NLGN1: variants seen among roughly 807,000 people sequenced by gnomAD.
NLGN1 encodes neuroligin 1.
In NLGN1, 12 loss-of-function variants were observed where a neutral mutation model predicts 65.5. That is an observed-to-expected ratio of 0.18 (90% CI 0.12 to 0.30). NLGN1 has a LOEUF of 0.30. NLGN1 is among the 10% of genes least tolerant of loss of function. The probability of loss-of-function intolerance (pLI) is 1.00; values close to 1 mark genes in which losing one functional copy is unlikely to be tolerated. For missense variants in NLGN1, 750 were observed against 1,007.1 expected (o/e 0.74, Z 3.46); for synonymous variants, 350 against 359.5 (o/e 0.97, Z 0.30).
At chr3:173,728,096 A>C (rs2150039156) in intron 3 of NLGN1, among the ~76,000 whole-genome samples, 1 of 152,240 alleles carries the variant, frequency 6.6e-6, no homozygotes. Flanking sequence ...GGGAAAGTCT[A>C]GAGGCAAGGG....
At chr3:173,431,066 A>G (rs1458471017) in intron 1 of NLGN1, among the ~76,000 whole-genome samples, 3 of 152,138 alleles carry the variant, frequency 2.0e-5, no homozygotes, top group Non-Finnish European at 4.4e-5. Context: ...TACTCATTCT[A>G]TTTTCATTAA....
At chr3:173,573,985 C>A (rs1326710742) in intron 2 of NLGN1, among the ~76,000 whole-genome samples, 2 of 149,444 alleles carry the variant, frequency 1.3e-5, no homozygotes, top group African/African-American at 2.5e-5. Context: ...ATGGCGTGAA[C>A]CCAGGAGGCG....
chr3:173,888,771 G>A (rs2150964439), intron 4 of NLGN1, among the ~76,000 whole-genome samples: 1 of 151,902 alleles, frequency 6.6e-6, no homozygotes, highest in South Asian at 2.1e-4. Context: ...TTTGAGTGTT[G>A]AAGAAGACAT....
At chr3:173,878,651 T>C (rs1732625592) in intron 4 of NLGN1, among the ~76,000 whole-genome samples, 1 of 143,982 alleles carries the variant, frequency 6.9e-6, no homozygotes, top group African/African-American at 2.7e-5. Flanking sequence ...TATATATGTG[T>C]ATATATATAT....
chr3:174,267,450 C>T (rs1349387999), intron 4 of NLGN1, among the ~76,000 whole-genome samples: 1 of 152,168 alleles, frequency 6.6e-6, no homozygotes, highest in African/African-American at 2.4e-5. Flanking sequence ...TACTAACATC[C>T]TGGTTATCCT....
At chr3:173,599,949 T>C (rs1750155182) in intron 2 of NLGN1, among the ~76,000 whole-genome samples, 1 of 152,018 alleles carries the variant, frequency 6.6e-6, no homozygotes, top group African/African-American at 2.4e-5. Flanking sequence ...AGATTGGAGA[T>C]AGTAGAGGCC....
At chr3:174,123,721 A>G (rs1053266229) in intron 4 of NLGN1, among the ~76,000 whole-genome samples, 3 of 152,062 alleles carry the variant, frequency 2.0e-5, no homozygotes, top group African/African-American at 7.2e-5. Context: ...TGCCATATTA[A>G]TCTTCCTGTG....
At chr3:173,937,128 G>A (rs9883997) in intron 4 of NLGN1, among the ~76,000 whole-genome samples, 6,121 of 152,060 alleles carry the variant, frequency 0.04, 205 homozygotes, top group African/African-American at 0.094. Flanking sequence ...AGCATTCAGT[G>A]AGCAACCAGA....
At chr3:173,873,566 T>G in intron 4 of NLGN1, among the ~76,000 whole-genome samples, 1 of 152,336 alleles carries the variant, frequency 6.6e-6, no homozygotes, top group Non-Finnish European at 1.5e-5. Context: ...AAGAAATTAT[T>G]TAAAAATTTT....
Position 173,454,114 on chromosome 3 carries a change from T to TG in NLGN1, c.-321+19037dup, listed in dbSNP as rs746291926. On this transcript the variant is annotated intron_variant, in intron 2 of 6. Coordinates refer to ENST00000457714, the Ensembl canonical transcript of NLGN1. ...CTTGAGTGACTAGGTGCATTGTCAATGAGCAGTAATATTTTGAGAGACATT... is the reference window on the plus strand; with the variant it reads ...CTTGAGTGACTAGGTGCATTGTCAATGGAGCAGTAATATTTTGAGAGACATT... 2.6e-5 allele frequency among the ~76,000 whole-genome samples: 4 copies of TG among 152,238 alleles called. No individual in the cohort carries two copies. The South Asian group carries it at 6.2e-4, about 24-fold the overall frequency.
At chr3:173,638,951 A>G (rs2149578317) in intron 3 of NLGN1, among the ~76,000 whole-genome samples, 1 of 152,300 alleles carries the variant, frequency 6.6e-6, no homozygotes, top group East Asian at 1.9e-4. Flanking sequence ...AAAACAGAAA[A>G]AAAAGAGTTG....
rs1331365993 is a variant in NLGN1 at position 174,191,197 on chromosome 3, G to C, written c.647-84118G>C. On this transcript the variant is annotated intron_variant, in intron 4 of 6. Transcript: ENST00000457714. ...AAAATCCACTTTCAAGATTCCACAAGTTTATTGCAAGATATTCATATGTAA... is the reference window on the plus strand; with the variant it reads ...AAAATCCACTTTCAAGATTCCACAACTTTATTGCAAGATATTCATATGTAA... Among the ~76,000 whole-genome samples the C allele has an allele frequency of 5.9e-5, 9 of 152,130 alleles. No individual in the cohort carries two copies. The East Asian group carries it at 9.7e-4, about 16-fold the overall frequency.
At chr3:173,425,958 G>A (rs2148716303) in intron 1 of NLGN1, among the ~76,000 whole-genome samples, 1 of 152,052 alleles carries the variant, frequency 6.6e-6, no homozygotes, top group African/African-American at 2.4e-5. Flanking sequence ...TTTTCTCCAG[G>A]AACATGATAT....
intron 2 of NLGN1, among the ~76,000 whole-genome samples, chr3:173,456,015 A>G (rs1722465426): frequency 6.6e-6 from 1 of 152,132 alleles, no homozygotes; most frequent in African/African-American, 2.4e-5. Context: ...ATTTAGGCCC[A>G]TAAGTGATTG....
chr3:173,468,308 T>C (rs1369120000), intron 2 of NLGN1, among the ~76,000 whole-genome samples: 2 of 152,120 alleles, frequency 1.3e-5, no homozygotes, highest in African/African-American at 4.8e-5. Flanking sequence ...TGAATCTCCC[T>C]CTCCTTTCAC....
chr3:174,024,626 A>T (rs1477451183), intron 4 of NLGN1, among the ~76,000 whole-genome samples: 2 of 152,198 alleles, frequency 1.3e-5, no homozygotes, highest in East Asian at 3.8e-4. Flanking sequence ...TAAAATAAAT[A>T]AAAAATAGTC....
chr3:174,067,713 T>C (rs1030797016), intron 4 of NLGN1, among the ~76,000 whole-genome samples: 5 of 152,184 alleles, frequency 3.3e-5, no homozygotes, highest in African/African-American at 9.6e-5. Context: ...TCCCCTGTTA[T>C]ACCCTGTACC....
chr3:173,912,474 C>T (rs1327422781), intron 4 of NLGN1: 3 of 152,096 alleles, frequency 2.0e-5, no homozygotes, highest in African/African-American at 7.2e-5. Flanking sequence ...TCAGAGTATC[C>T]ACCCTGAACA....
chr3:173,768,065 C>T (rs1779028380), intron 3 of NLGN1, among the ~76,000 whole-genome samples: 1 of 151,548 alleles, frequency 6.6e-6, no homozygotes. Flanking sequence ...TTTTTTCTAC[C>T]TGAAATTGTC....
Sources: gnomAD v4.1 joint callset for allele counts (sites outside exome capture counted in the v4.1 genomes callset) on GRCh38, gnomAD v4.1.1 for gene constraint, MANE v1.5 for transcripts, NCBI Gene and HGNC (gene_info 2026-07-23, HGNC 2026-07-21) for gene names.